Variants in USP34 observed in about 807,000 individuals in gnomAD.
USP34 encodes ubiquitin specific peptidase 34, also known as ubiquitin carboxyl-terminal hydrolase 34.
Under a neutral mutation model 460.3 loss-of-function variants are expected in USP34, and 70 were observed. The observed-to-expected ratio is 0.15, with a 90% CI of 0.13 to 0.19. The LOEUF (loss-of-function observed/expected upper bound fraction) is 0.19. Among genes scored for constraint, USP34 ranks in the 10% least tolerant of loss-of-function variants. USP34 has a pLI of 1.00. For synonymous variants in USP34, 1,647 were observed against 1,405.3 expected, an observed-to-expected ratio of 1.17 and a Z score of -3.85; for missense variants, 3,985 against 4,236.2, an observed-to-expected ratio of 0.94 and a Z score of 1.65.
At chr2:61,382,652 T>C (rs894732636) in intron 6 of USP34, among the ~76,000 whole-genome samples, 5 of 152,210 alleles carry the variant, frequency 3.3e-5, no homozygotes, top group South Asian at 2.1e-4. Flanking sequence ...ATAAATGTTA[T>C]CAAGAAATAA....
intron 1 of USP34, among the ~76,000 whole-genome samples, chr2:61,433,048 A>T (rs1694721534): frequency 6.6e-6 from 1 of 152,222 alleles, no homozygotes; most frequent in Non-Finnish European, 1.5e-5. Context: ...GACTAAAGAC[A>T]CCTAGCATTC....
chr2:61,438,726 G>T (rs1158384293), intron 1 of USP34, among the ~76,000 whole-genome samples: 1 of 152,116 alleles, frequency 6.6e-6, no homozygotes, highest in East Asian at 1.9e-4. Flanking sequence ...CTCAACAAGA[G>T]AAAGATAAAA....
intron 29 of USP34, among the ~76,000 whole-genome samples, chr2:61,299,651 T>C (rs942706531): frequency 1.3e-5 from 2 of 150,748 alleles, no homozygotes; most frequent in Non-Finnish European, 3.0e-5. Flanking sequence ...TTCAGGACGC[T>C]GAGGCAGCAG....
chr2:61,241,123 C>T (rs1318808422), intron 53 of USP34, among the ~76,000 whole-genome samples: 3 of 151,920 alleles, frequency 2.0e-5, no homozygotes, highest in African/African-American at 7.3e-5. Context: ...CCATTCACTG[C>T]AACCTCCGCC....
In USP34 at chr2:61,395,050, T is replaced by C. The variant is rs74729971; in HGVS notation, c.604-48A>G. On this transcript the variant is annotated intron_variant, in intron 4 of 79. Coordinates refer to ENST00000398571, the MANE Select transcript of USP34 (RefSeq NM_014709.4). Reference sequence around the variant, plus strand: ...TCATTATTTGAAAACGTACAAATAATTTTTATCTTAGCAATACTGGAAAGA... The same window carrying C: ...TCATTATTTGAAAACGTACAAATAACTTTTATCTTAGCAATACTGGAAAGA... 957 of 1,539,682 alleles carry C rather than the reference T, an allele frequency of 6.2e-4. 10 individuals are homozygous for C. The East Asian group carries it at 0.021, about 33-fold the overall frequency.
chr2:61,283,952 G>C (rs1260639595), intron 35 of USP34, among the ~76,000 whole-genome samples: 1 of 152,100 alleles, frequency 6.6e-6, no homozygotes, highest in Non-Finnish European at 1.5e-5. Context: ...GGGTGGGGCA[G>C]AGGGTATAAG....
At chr2:61,417,173 C>T (rs1694221373) in intron 2 of USP34, 2 of 1,577,606 alleles carry the variant, frequency 1.3e-6, no homozygotes, top group Non-Finnish European at 1.7e-6. Flanking sequence ...TTTCCAAAGG[C>T]ACCTCACATG....
At chr2:61,236,501 T>C (rs563027304) in intron 53 of USP34, 112 bp from the exon 54 acceptor site, 126 of 753,986 alleles carry the variant, frequency 1.7e-4, no homozygotes, top group Non-Finnish European at 2.5e-4. Flanking sequence ...TAAAATAAAA[T>C]CCATGCACTT....
chr2:61,306,816 C>T (rs938412375), intron 27 of USP34, among the ~76,000 whole-genome samples: 3 of 152,168 alleles, frequency 2.0e-5, no homozygotes, highest in Non-Finnish European at 1.5e-5. Flanking sequence ...CAGGAAACAA[C>T]AGCTGCTGGA....
Position 61,451,146 on chromosome 2 carries a change from G to A in USP34, c.43+19504C>T, listed in dbSNP as rs181397711. On this transcript the variant is annotated intron_variant, in intron 1 of 79. Transcript: ENST00000398571. ...TGAGACAGGAGAATCACTTGAACCC[G>A]AGAGGTGGAAGTTGCAGTGAGCCGA... is the stretch of plus-strand genomic sequence containing the variant. Among the ~76,000 whole-genome samples, 284 of 144,838 alleles carry A rather than the reference G, an allele frequency of 2.0e-3. 2 individuals are homozygous for A. Among genetic ancestry groups the A allele is most frequent in the African/African-American group, 6.6e-3 (252 of 38,452 alleles).
intron 1 of USP34, among the ~76,000 whole-genome samples, chr2:61,468,278 G>A (rs920406777): frequency 6.6e-6 from 1 of 152,172 alleles, no homozygotes; most frequent in African/African-American, 2.4e-5. Context: ...CTCCGCCTCC[G>A]GGTTCAAGCA....
At chr2:61,242,572 G>A (rs1014503402) in intron 51 of USP34, among the ~76,000 whole-genome samples, 1 of 151,530 alleles carries the variant, frequency 6.6e-6, no homozygotes, top group South Asian at 2.1e-4. Context: ...ATTTGAATAA[G>A]AAAGAAAGGT....
chr2:61,191,070 G>A (rs1345213551), intron 76 of USP34: 1 of 156,062 alleles, frequency 6.4e-6, no homozygotes, highest in Non-Finnish European at 1.4e-5. Flanking sequence ...CACATTTTAA[G>A]AATCAAAATC....
intron 41 of USP34, among the ~76,000 whole-genome samples, chr2:61,275,682 A>G (rs183586270): frequency 4.3e-4 from 65 of 152,170 alleles, no homozygotes; most frequent in African/African-American, 1.3e-3. Flanking sequence ...GGTGAAAAAA[A>G]GCAAAGTATA....
chr2:61,447,274 A>C (rs901822597), intron 1 of USP34, among the ~76,000 whole-genome samples: 6 of 149,904 alleles, frequency 4.0e-5, no homozygotes, highest in South Asian at 4.2e-4. Context: ...AAAAAAAAAA[A>C]AAAAAAAACC....
intron 41 of USP34, among the ~76,000 whole-genome samples, chr2:61,272,282 G>C (rs1689238203): frequency 6.6e-6 from 1 of 151,896 alleles, no homozygotes; most frequent in African/African-American, 2.4e-5. Flanking sequence ...GTGGTGGCGG[G>C]CACCTGTAGT....
rs573625457 is a variant in USP34 at position 61,395,325 on chromosome 2, G to A, written c.553-92C>T. ...ATAAAAGACTGATTTTATAAAAACC[G>A]AATAAACAGATTATTTTGCAATTAC... On this transcript the variant is annotated intron_variant, in intron 3 of 79. Coordinates refer to ENST00000398571, the MANE Select transcript of USP34 (RefSeq NM_014709.4). 54 of 806,808 alleles carry A rather than the reference G, an allele frequency of 6.7e-5. 1 individual carries two copies. The East Asian group carries it at 1.3e-3, about 19-fold the overall frequency. 50.0% of individuals were successfully genotyped at this position (806,808 alleles called of 1,614,324 possible).
At chr2:61,215,311 G>A (rs542340951) in intron 67 of USP34, among the ~76,000 whole-genome samples, 2 of 152,004 alleles carry the variant, frequency 1.3e-5, no homozygotes, top group African/African-American at 2.4e-5. Context: ...GTGTTAAATT[G>A]TAACCAGATA....
At chr2:61,470,225 G>C (rs1477510015) in intron 1 of USP34, among the ~76,000 whole-genome samples, 1 of 152,302 alleles carries the variant, frequency 6.6e-6, no homozygotes, top group South Asian at 2.1e-4. Flanking sequence ...AGAGGCCTCG[G>C]CAGCACGCTG....
Sources: allele counts gnomAD v4.1 joint callset (sites outside exome capture counted in the v4.1 genomes callset), GRCh38; gene constraint gnomAD v4.1.1; transcripts MANE v1.5; gene names NCBI Gene and HGNC (gene_info 2026-07-23, HGNC 2026-07-21).